SLC51B: variants seen among roughly 807,000 people sequenced by gnomAD.
The protein encoded by SLC51B is SLC51 subunit beta.
In SLC51B, 6 loss-of-function variants were observed where a neutral mutation model predicts 8.0. The ratio of observed to expected loss-of-function variants is 0.75; its 90% CI spans 0.41 to 1.48. The LOEUF (loss-of-function observed/expected upper bound fraction) is 1.48. SLC51B is among the 40% of genes most tolerant of loss of function. The probability of loss-of-function intolerance (pLI) is 0.01; values close to 1 mark genes in which losing one functional copy is unlikely to be tolerated. For missense variants in SLC51B, 150 were observed against 149.7 expected (o/e 1.00, Z -0.01); for synonymous variants, 61 against 54.8 (o/e 1.11, Z -0.50).
At chr15:65,050,238 T>C (rs1487183187) in intron 2 of SLC51B, 137 bp downstream of exon 2, 2 of 707,588 alleles carry the variant, frequency 2.8e-6, no homozygotes, top group African/African-American at 3.6e-5. Context: ...TCAGTCGGGG[T>C]GTCTCAGTAC....
Position 65,053,227 on chromosome 15 carries a change from G to A in SLC51B, c.*63G>A. On this transcript the variant is annotated 3_prime_UTR_variant, in exon 4 of 4. Transcript: ENST00000334287. ...TGATGTGGGCTCAGCTCAGTGGCCT[G>A]AAACCTCTCAGGTTTTAGAGTCTCT... The A allele has an allele frequency of 2.5e-6, 4 of 1,573,776 alleles. No homozygotes were observed. In the African/African-American group the frequency reaches 4.1e-5, roughly 16 times the overall value.
Position 65,051,543 on chromosome 15 carries a change from C to A in SLC51B, c.126C>A (p.Ala42=), listed in dbSNP as rs1231812983. Residue 42 remains alanine, a synonymous_variant, in exon 3 of 4, where the codon GCC becomes GCA. Coordinates refer to ENST00000334287, the MANE Select transcript of SLC51B (RefSeq NM_178859.4). ...CTCCCTGGAATCATTCCATCCTTGC[C>A]CTGGCAGCTGTGGTGGTCATTATAA... ...DASPWNHSIL[A]LAAVVVIISM... is the part of the protein sequence containing the mutation. The A allele has an allele frequency of 1.2e-6, 2 of 1,613,760 alleles. No homozygotes were observed. The highest frequency in any genetic ancestry group is 1.1e-5 in the South Asian group (1 of 91,060).
Position 65,053,311 on chromosome 15 carries a change from A to G in SLC51B, c.*147A>G. ...CTTTTTTTTTTTCTTAGCAGATACAATGAATGAACTGCAAGCAAACTAAAA... is the reference window on the plus strand; with the variant it reads ...CTTTTTTTTTTTCTTAGCAGATACAGTGAATGAACTGCAAGCAAACTAAAA... On this transcript the variant is annotated 3_prime_UTR_variant, in exon 4 of 4. Transcript: ENST00000334287. 4 of 1,426,214 alleles carry G rather than the reference A, an allele frequency of 2.8e-6. No individual in the cohort carries two copies. The highest frequency in any genetic ancestry group is 3.6e-6 in the Non-Finnish European group (4 of 1,096,658). The allele number at this position is 1,426,214 out of a possible 1,614,324, so 88.3% of individuals were successfully genotyped here.
chr15:65,052,969 A>G lies in SLC51B; in HGVS notation c.192A>G (p.Lys64=), dbSNP rs913552152. ...LLGRSIQASR[K]EKMQPPEKET... is the part of the protein sequence containing the mutation. ...ACACTGTTCCCTGTCCCCCCAGAAA[A>G]GAAAAGATGCAGCCACCAGAAAAAG... The change falls in exon 4 of 4, where the codon AAA becomes AAG. Residue 64 remains lysine (K), a synonymous_variant. Coordinates refer to ENST00000334287, the MANE Select transcript of SLC51B (RefSeq NM_178859.4). The G allele has an allele frequency of 7.0e-6, 10 of 1,419,166 alleles. No individual in the cohort carries two copies. The highest frequency in any genetic ancestry group is 9.5e-6 in the Non-Finnish European group (10 of 1,054,982). 87.9% of individuals were successfully genotyped at this position (1,419,166 alleles called of 1,614,324 possible). A position where few individuals can be genotyped will look rare whatever the true frequency, so the allele number is the denominator to read the frequency against.
In SLC51B at chr15:65,053,018, G is replaced by A. The variant is rs763251825; in HGVS notation, c.241G>A (p.Asp81Asn). The change falls in exon 4 of 4, where the codon GAT becomes AAT. Residue 81 changes from aspartate (D) to asparagine (N), a missense_variant. Physicochemically the swap from Asp to Asn is conservative, Grantham distance 23 (BLOSUM62 1). Coordinates refer to ENST00000334287, the MANE Select transcript of SLC51B (RefSeq NM_178859.4). ...AGAAACTCCAGAAGTCCTGCATTTGGATGAGGCCAAGGATCACAACAGCCT... is the reference window on the plus strand; with the variant it reads ...AGAAACTCCAGAAGTCCTGCATTTGAATGAGGCCAAGGATCACAACAGCCT... ...EKETPEVLHL[D>N]EAKDHNSLNN... 25 of 1,613,830 alleles carry A rather than the reference G, an allele frequency of 1.5e-5. 1 individual carries two copies. The South Asian group carries it at 2.4e-4, about 16-fold the overall frequency.
chr15:65,048,581 T>C (rs747419482), intron 1 of SLC51B, among the ~76,000 whole-genome samples: 2 of 152,254 alleles, frequency 1.3e-5, no homozygotes, highest in African/African-American at 2.4e-5. Flanking sequence ...TGGTGCCCTA[T>C]GGCATGTTTT....
intron 3 of SLC51B, 33 bp from the exon 4 acceptor site, chr15:65,052,933 C>T (rs1355243017): frequency 2.2e-6 from 3 of 1,359,640 alleles, no homozygotes; most frequent in South Asian, 1.2e-5. Context: ...ACCACTCAGC[C>T]CCCCTCATTA....
Position 65,052,963 on chromosome 15 carries a change from C to T in SLC51B, c.189-3C>T, listed in dbSNP as rs776952059. On this transcript the variant is annotated splice_polypyrimidine_tract_variant and splice_region_variant and intron_variant, in intron 3 of 3. Coordinates refer to ENST00000334287, the MANE Select transcript of SLC51B (RefSeq NM_178859.4). ...TCATTAACACTGTTCCCTGTCCCCC[C>T]AGAAAAGAAAAGATGCAGCCACCAG... The T allele has an allele frequency of 3.1e-6, 5 of 1,607,574 alleles. No homozygotes were observed. Among genetic ancestry groups the T allele is most frequent in the Non-Finnish European group, 4.2e-6 (5 of 1,176,504 alleles).
intron 1 of SLC51B, among the ~76,000 whole-genome samples, chr15:65,047,387 TAC>T (rs2086589849): frequency 6.6e-6 from 1 of 151,676 alleles, no homozygotes; most frequent in South Asian, 2.1e-4. Flanking sequence ...TAGAAATATA[TAC>T]ACACATTAAA....
At position 65,051,543 on chromosome 15, in the gene SLC51B, C is replaced by T. The variant is rs1231812983; in HGVS notation, c.126C>T (p.Ala42=). Reference sequence around the variant, plus strand: ...CTCCCTGGAATCATTCCATCCTTGCCCTGGCAGCTGTGGTGGTCATTATAA... The same window carrying T: ...CTCCCTGGAATCATTCCATCCTTGCTCTGGCAGCTGTGGTGGTCATTATAA... The part of the protein sequence containing the change: ...DASPWNHSIL[A]LAAVVVIISM... The change falls in exon 3 of 4, where the codon GCC becomes GCT. Residue 42 remains alanine (A), a synonymous_variant. Transcript: ENST00000334287. 3 of 1,613,760 alleles carry T rather than the reference C, an allele frequency of 1.9e-6. No individual in the cohort carries two copies. The South Asian group carries it at 3.3e-5, about 18-fold the overall frequency.
chr15:65,048,266 T>C (rs1398290600), intron 1 of SLC51B, among the ~76,000 whole-genome samples: 1 of 152,228 alleles, frequency 6.6e-6, no homozygotes, highest in Non-Finnish European at 1.5e-5. Flanking sequence ...ATATGAATGA[T>C]CATTCACATA....
intron 2 of SLC51B, among the ~76,000 whole-genome samples, chr15:65,050,836 C>CCTTT (rs2086642864): frequency 3.1e-5 from 3 of 95,648 alleles, no homozygotes; most frequent in Non-Finnish European, 5.6e-5. Flanking sequence ...TCTTCTTCTT[C>CCTTT]TTTTTTTTTT....
At chr15:65,052,741 T>G (rs1399054199) in intron 3 of SLC51B, among the ~76,000 whole-genome samples, 2 of 152,122 alleles carry the variant, frequency 1.3e-5, no homozygotes, top group Non-Finnish European at 2.9e-5. Flanking sequence ...GGGGTGGCAA[T>G]GATACTTGAG....
chr15:65,051,582 G>A lies in SLC51B; in HGVS notation c.165G>A (p.Leu55=). ...AVVVIISMVL[L]GRSIQASRKE... is the part of the protein sequence containing the mutation. ...TGGTCATTATAAGCATGGTCCTCCT[G>A]GGAAGAAGCATCCAGGCAAGCAGGT... The change falls in exon 3 of 4, where the codon CTG becomes CTA. Residue 55 remains leucine, a synonymous_variant. Transcript: ENST00000334287. The A allele has an allele frequency of 6.2e-7, 1 of 1,613,512 alleles. No individual in the cohort carries two copies. The highest frequency in any genetic ancestry group is 8.5e-7 in the Non-Finnish European group (1 of 1,179,678).
intron 3 of SLC51B, among the ~76,000 whole-genome samples, 162 bp from the exon 4 acceptor site, chr15:65,052,804 C>A (rs1363328101): frequency 6.6e-6 from 1 of 152,134 alleles, no homozygotes; most frequent in Admixed American, 6.6e-5. Flanking sequence ...AAGGGTAAGC[C>A]ATTTCTCTGT....
intron 2 of SLC51B, 46 bp from the exon 3 acceptor site, chr15:65,051,469 G>A (rs766710250): frequency 6.3e-6 from 10 of 1,588,616 alleles, no homozygotes; most frequent in Non-Finnish European, 8.6e-6. Context: ...GGCTTGAGAG[G>A]TGCCTGGCCA....
chr15:65,050,235 G>A, intron 2 of SLC51B, 134 bp downstream of exon 2: 1 of 712,842 alleles, frequency 1.4e-6, no homozygotes, highest in Non-Finnish European at 2.4e-6. Flanking sequence ...GAATCAGTCG[G>A]GGTGTCTCAG....
chr15:65,052,875 T>G (rs2086672883), intron 3 of SLC51B, 91 bp from the exon 4 acceptor site: 2 of 1,199,682 alleles, frequency 1.7e-6, no homozygotes, highest in Admixed American at 4.4e-5. Flanking sequence ...CATAGAGAAT[T>G]TTCCCCTTAG....
At position 65,053,284 on chromosome 15, in the gene SLC51B, T is replaced by A. The variant is rs1467426638; in HGVS notation, c.*120T>A. 2.8e-6 allele frequency: 4 copies of A among 1,436,538 alleles called. No homozygotes were observed. Among genetic ancestry groups the A allele is most frequent in the African/African-American group, 1.4e-5 (1 of 69,100 alleles). 89.0% of individuals were successfully genotyped at this position (1,436,538 alleles called of 1,614,324 possible). ...AAGCCGCTTTTTTCTTTTTCTTTCT[T>A]TCTTTTTTTTTTTCTTAGCAGATAC... On this transcript the variant is annotated 3_prime_UTR_variant, in exon 4 of 4. Coordinates refer to ENST00000334287, the MANE Select transcript of SLC51B (RefSeq NM_178859.4).
Sources: gnomAD v4.1 joint callset for allele counts (sites outside exome capture counted in the v4.1 genomes callset) on GRCh38, gnomAD v4.1.1 for gene constraint, MANE v1.5 for transcripts, NCBI Gene and HGNC (gene_info 2026-07-23, HGNC 2026-07-21) for gene names.